The following KRT28 variants were observed in gnomAD, a reference collection of about 807,000 sequenced individuals.
The protein encoded by KRT28 is keratin 28, also known as keratin, type I cytoskeletal 28.
In KRT28, 45 loss-of-function variants were observed where a neutral mutation model predicts 48.1. The ratio of observed to expected loss-of-function variants is 0.94; its 90% confidence interval spans 0.74 to 1.20. The LOEUF (loss-of-function observed/expected upper bound fraction) is 1.20. Among genes scored for constraint, KRT28 ranks in the 50% most tolerant of loss-of-function variants. The pLI is 0.00. For synonymous variants in KRT28, 228 were observed against 227.4 expected (o/e 1.00, Z -0.03); for missense variants, 571 against 574.1 (o/e 0.99, Z 0.06).
intron 2 of KRT28, 122 bp downstream of exon 2, chr17:40,798,795 C>A (rs1904680785): frequency 4.5e-6 from 3 of 663,456 alleles, no homozygotes; most frequent in Non-Finnish European, 7.9e-6. Context: ...AATACAAATC[C>A]TTTGCTTCCT....
intron 6 of KRT28, 36 bp downstream of exon 6, chr17:40,793,793 G>T: frequency 6.2e-7 from 1 of 1,603,828 alleles, no homozygotes; most frequent in East Asian, 2.2e-5. Context: ...TAGCTTAAAA[G>T]AGGTAAAAAC....
At chr17:40,792,681 A>T (rs755295606) in intron 7 of KRT28, 112 bp from the exon 8 acceptor site, 120 of 747,824 alleles carry the variant, frequency 1.6e-4, no homozygotes, top group Admixed American at 3.1e-4. Context: ...GAGTAAGTAT[A>T]TATTTATAAT....
rs1346075958 is a variant in KRT28 at position 40,793,847 on chromosome 17, A to G, written c.1178T>C (p.Leu393Pro). The G allele has an allele frequency of 6.2e-7, 1 of 1,614,008 alleles. No homozygotes were observed. The highest frequency in any genetic ancestry group is 8.5e-7 in the Non-Finnish European group (1 of 1,179,856). ...TACTTACTTTCCATCTCCATCTATC[A>G]GGCGGCAGTAGGTCTCAATTTCTTT... ...LEKEIETYCR[L>P]IDGDGNSCSK... The change falls in exon 6 of 8, where the codon CTG (leucine) becomes CCG (proline). Residue 393 changes from leucine (L) to proline (P), a missense_variant. Coordinates refer to ENST00000306658, the MANE Select transcript of KRT28 (RefSeq NM_181535.3).
intron 7 of KRT28, among the ~76,000 whole-genome samples, chr17:40,792,868 G>A (rs1904524381): frequency 6.6e-6 from 1 of 152,148 alleles, no homozygotes; most frequent in East Asian, 1.9e-4. Context: ...GGGAGGCCGA[G>A]GTGGGCAGAT....
intron 3 of KRT28, 116 bp from the exon 4 acceptor site, chr17:40,797,397 G>C (rs1158284692): frequency 1.0e-6 from 1 of 965,964 alleles, no homozygotes; most frequent in African/African-American, 1.7e-5. Flanking sequence ...ATAATTTATG[G>C]CACACAATTT....
Position 40,793,959 on chromosome 17 carries a change from C to T in KRT28, c.1066G>A (p.Glu356Lys). Residue 356 changes from glutamate (E) to lysine (K), a missense_variant, in exon 6 of 8, where the codon GAG (glutamate) becomes AAG (lysine). Transcript: ENST00000306658. ...AQIQAQIGALEEQLHQVRTET... is the reference protein window; with the variant it reads ...AQIQAQIGALKEQLHQVRTET... ...GTTCTGACCTGGTGCAGCTGCTCCT[C>T]CAGGGCCCCGATCTGAGCCTGGATC... 1 of 1,613,928 alleles carries T rather than the reference C, an allele frequency of 6.2e-7. No homozygotes were observed. The highest frequency in any genetic ancestry group is 8.5e-7 in the Non-Finnish European group (1 of 1,179,814).
At position 40,799,460 on chromosome 17, in the gene KRT28, T is replaced by C; in HGVS notation, c.434A>G (p.Glu145Gly). ...HDYSRYHLTI[E>G]DLKNKIISST... is the part of the protein sequence containing the mutation. ...ATTTCTCACCTTATTCTTAAGATCCTCAATTGTTAGGTGATATCTGCTATA... is the reference window on the plus strand; with the variant it reads ...ATTTCTCACCTTATTCTTAAGATCCCCAATTGTTAGGTGATATCTGCTATA... The change falls in exon 1 of 8, where the codon GAG (glutamate) becomes GGG (glycine). Residue 145 changes from glutamate (E) to glycine (G), a missense_variant. Coordinates refer to ENST00000306658, the MANE Select transcript of KRT28 (RefSeq NM_181535.3). 1.2e-6 allele frequency: 2 copies of C among 1,604,070 alleles called. No individual in the cohort carries two copies. The highest frequency in any genetic ancestry group is 1.1e-5 in the South Asian group (1 of 90,648).
Position 40,793,995 on chromosome 17 carries a change from G to A in KRT28, c.1030C>T (p.Gln344Ter). The A allele has an allele frequency of 6.2e-7, 1 of 1,613,944 alleles. No individual in the cohort carries two copies. The highest frequency in any genetic ancestry group is 8.5e-7 in the Non-Finnish European group (1 of 1,179,862). The change falls in exon 6 of 8, where the codon CAG becomes TAG. Residue 344 changes from glutamine to a stop codon, truncating the protein, a stop_gained. Transcript: ENST00000306658. LOFTEE classifies it high-confidence loss of function. Reference protein sequence around the residue: ...LTETESNYCTQLAQIQAQIGA... With the variant: ...LTETESNYCT The stretch of plus-strand genomic sequence containing the variant: ...ATCTGAGCCTGGATCTGCGCCAGCT[G>A]CGTACAGTAGTTGCTCTCGGTCTCT...
At chr17:40,793,247 GCTTA>G in intron 6 of KRT28, 37 bp from the exon 7 acceptor site, 1 of 1,264,580 alleles carries the variant, frequency 7.9e-7, no homozygotes, top group Non-Finnish European at 1.1e-6. Context: ...TTATATTTCT[GCTTA>G]CTATCGCTTC....
intron 5 of KRT28, among the ~76,000 whole-genome samples, chr17:40,796,133 C>T (rs1198952209): frequency 1.3e-5 from 2 of 152,238 alleles, no homozygotes; most frequent in Admixed American, 1.3e-4. Context: ...ACTTGGGTAA[C>T]AGCTGCTCTC....
At chr17:40,796,884 C>T in intron 5 of KRT28, 32 bp downstream of exon 5, 2 of 1,541,294 alleles carry the variant, frequency 1.3e-6, no homozygotes, top group Middle Eastern at 1.8e-4. Flanking sequence ...TCTAGAATCA[C>T]AGGATCCAGG....
Position 40,799,863 on chromosome 17 carries a change from G to A in KRT28, c.31C>T (p.His11Tyr), listed in dbSNP as rs778817654. 6.2e-7 allele frequency: 1 copy of A among 1,612,578 alleles called. No homozygotes were observed. The highest frequency in any genetic ancestry group is 8.5e-7 in the Non-Finnish European group (1 of 1,179,570). MSLQFSNGSR[H>Y]VCLRSGAGSV... ...CCAGCTCCAGACCTTAAGCAAACAT[G>A]CCTGGATCCATTAGAAAATTGGAGA... The change falls in exon 1 of 8, where the codon CAT (histidine) becomes TAT (tyrosine). Residue 11 changes from histidine (H) to tyrosine (Y), a missense_variant. His to Tyr is a moderately conservative substitution (Grantham distance 83, BLOSUM62 2). Transcript: ENST00000306658.
rs753044382 is a variant in KRT28 at position 40,799,730 on chromosome 17, C to T, written c.164G>A (p.Ser55Asn). 63 of 1,614,008 alleles carry T rather than the reference C, an allele frequency of 3.9e-5. 2 individuals are homozygous for T. The Admixed American group carries it at 9.3e-4, about 24-fold the overall frequency. Reference sequence around the variant, plus strand: ...ACCAGCATGGCTCCCACCAGGAACACTGCCCAAGCCCCCTCCCAAGGCACA... The same window carrying T: ...ACCAGCATGGCTCCCACCAGGAACATTGCCCAAGCCCCCTCCCAAGGCACA... Reference protein sequence around the residue: ...FSCALGGGLGSVPGGSHAGGA... With the variant: ...FSCALGGGLGNVPGGSHAGGA... Residue 55 changes from serine (S) to asparagine (N), a missense_variant, in exon 1 of 8, where the codon AGT becomes AAT. Transcript: ENST00000306658.
intron 5 of KRT28, among the ~76,000 whole-genome samples, chr17:40,795,601 CT>C (rs1397441538): frequency 6.6e-6 from 1 of 152,212 alleles, no homozygotes; most frequent in Non-Finnish European, 1.5e-5. Flanking sequence ...AAGTTAGGTA[CT>C]ATGCTCCCAT....
intron 1 of KRT28, 39 bp from the exon 2 acceptor site, chr17:40,799,038 T>C: frequency 8.6e-7 from 1 of 1,160,800 alleles, no homozygotes; most frequent in Non-Finnish European, 1.2e-6. Flanking sequence ...CAAGTAAGTA[T>C]GCTTTTATGT....
rs770394586 is a variant in KRT28 at position 40,798,217 on chromosome 17, AG to A, written c.690+17del. ...ATGTACAGAGTTGTGATTGGACTACAGGTAAAGCTTCTCCTACCTCTTCGTG... is the reference window on the plus strand; with the variant it reads ...ATGTACAGAGTTGTGATTGGACTACAGTAAAGCTTCTCCTACCTCTTCGTG... On this transcript the variant is annotated intron_variant, in intron 3 of 7. Coordinates refer to ENST00000306658, the MANE Select transcript of KRT28 (RefSeq NM_181535.3). The A allele has an allele frequency of 1.1e-5, 17 of 1,590,614 alleles. No individual in the cohort carries two copies. Among genetic ancestry groups the A allele is most frequent in the Non-Finnish European group, 1.4e-5 (16 of 1,160,842 alleles).
chr17:40,794,142 A>G, intron 5 of KRT28, 96 bp from the exon 6 acceptor site: 1 of 1,421,760 alleles, frequency 7.0e-7, no homozygotes, highest in East Asian at 2.3e-5. Context: ...CTCCCTGGGC[A>G]ATTGTGGAAA....
Position 40,797,258 on chromosome 17 carries a change from C to A in KRT28, c.714G>T (p.Ala238=), listed in dbSNP as rs750827956. 10 of 1,613,912 alleles carry A rather than the reference C, an allele frequency of 6.2e-6. No individual in the cohort carries two copies. The South Asian group carries it at 1.1e-4, about 18-fold the overall frequency. ...HEEEMKALQC[A]AGGNVNVEMN... ...TCTCCACGTTCACGTTGCCCCCAGC[C>A]GCGCACTGCAGAGCCTTCATCTCCT... Residue 238 remains alanine, a synonymous_variant, in exon 4 of 8, where the codon GCG becomes GCT. Coordinates refer to ENST00000306658, the MANE Select transcript of KRT28 (RefSeq NM_181535.3).
chr17:40,796,824 A>G, intron 5 of KRT28, 92 bp downstream of exon 5: 1 of 1,465,592 alleles, frequency 6.8e-7, no homozygotes, highest in South Asian at 1.4e-5. Context: ...AGGCAAAGGT[A>G]TAATAGGAAA....
Sources: gnomAD v4.1 joint callset for allele counts (sites outside exome capture counted in the v4.1 genomes callset) on GRCh38, gnomAD v4.1.1 for gene constraint, MANE v1.5 for transcripts, NCBI Gene and HGNC (gene_info 2026-07-23, HGNC 2026-07-21) for gene names.